The following FAM153A variants were observed in gnomAD, a reference collection of about 807,000 sequenced individuals.
FAM153A encodes family with sequence similarity 153 member A.
In FAM153A, 12 loss-of-function variants were observed where a neutral mutation model predicts 48.1. The observed-to-expected ratio is 0.25, with a 90% CI of 0.16 to 0.40. The LOEUF (loss-of-function observed/expected upper bound fraction) is 0.40. Among genes scored for constraint, FAM153A ranks in the 10% least tolerant of loss-of-function variants. The pLI is 1.00. For synonymous variants in FAM153A, 36 were observed against 118.2 expected, an observed-to-expected ratio of 0.30 and a Z score of 4.51; for missense variants, 111 against 345.8, an observed-to-expected ratio of 0.32 and a Z score of 5.38.
intron 1 of FAM153A, among the ~76,000 whole-genome samples, chr5:177,759,747 A>AG (rs1279843300): frequency 1.3e-5 from 2 of 151,382 alleles, no homozygotes; most frequent in Admixed American, 6.6e-5. Context: ...TCTCACTCAT[A>AG]GGTGGTAATT....
At position 177,768,256 on chromosome 5, in the gene FAM153A, C is replaced by T. The variant is rs373425794; in HGVS notation, c.-57+12193G>A. 4.3e-3 allele frequency among the ~76,000 whole-genome samples: 642 copies of T among 149,324 alleles called. 2 individuals are homozygous for T. Among genetic ancestry groups the T allele is most frequent in the African/African-American group, 0.015 (615 of 39,998 alleles). On this transcript the variant is annotated intron_variant, in intron 1 of 8. Transcript: ENST00000393518. ...TTCCATGCCCTCCCAGGACACACCA[C>T]CCTGTAGGAGCCTCCATGCATTCAG...
In FAM153A at chr5:177,729,639, C is replaced by T. The variant is rs1205765703; in HGVS notation, c.863-84G>A. ...CTTGGAGCTGTGGACACGGGGCTGG[C>T]GTGTGTGGAAAGGTGTGTTCACAGC... On this transcript the variant is annotated intron_variant, in intron 16 of 20. Coordinates refer to ENST00000614127, the Ensembl canonical transcript of FAM153A. 87 of 1,602,908 alleles carry T rather than the reference C, an allele frequency of 5.4e-5. 2 individuals are homozygous for T. The highest frequency in any genetic ancestry group is 3.3e-4 in the African/African-American group (24 of 71,818).
the FAM153A span, among the ~76,000 whole-genome samples, chr5:177,695,739 C>T: frequency 6.6e-6 from 1 of 151,910 alleles, no homozygotes; most frequent in East Asian, 1.9e-4. Flanking sequence ...CCACCATCAT[C>T]ATCATGGCCT....
downstream of FAM153A, chr5:177,708,135 G>A (rs566740950): frequency 2.3e-3 from 351 of 153,268 alleles, 3 homozygotes; most frequent in Middle Eastern, 9.6e-3. Flanking sequence ...TGTAGAATTA[G>A]TGTACCAAAA....
chr5:177,703,199 C>G (rs1441700184), downstream of FAM153A, among the ~76,000 whole-genome samples: 1 of 152,082 alleles, frequency 6.6e-6, no homozygotes, highest in Non-Finnish European at 1.5e-5. Context: ...CAGAGTTGCC[C>G]AAGGCCTTGG....
chr5:177,701,791 T>G, the FAM153A span, among the ~76,000 whole-genome samples: 1 of 151,814 alleles, frequency 6.6e-6, no homozygotes, highest in Non-Finnish European at 1.5e-5. Context: ...AGCTTGGAAC[T>G]TCTTAGAGAC....
chr5:177,753,773 T>C (rs1262945907), upstream of FAM153A, among the ~76,000 whole-genome samples: 1 of 151,478 alleles, frequency 6.6e-6, no homozygotes, highest in Non-Finnish European at 1.5e-5. Context: ...CAACTTTCCA[T>C]CACTGTTGAT....
the FAM153A span, among the ~76,000 whole-genome samples, chr5:177,702,426 AT>A: frequency 6.6e-6 from 1 of 152,030 alleles, no homozygotes; most frequent in Non-Finnish European, 1.5e-5. Flanking sequence ...GTTGGAACTT[AT>A]ATTTAAAGGG....
At chr5:177,762,457 G>T (rs2127712909) in intron 1 of FAM153A, among the ~76,000 whole-genome samples, 1 of 141,818 alleles carries the variant, frequency 7.1e-6, no homozygotes, top group East Asian at 2.2e-4. Flanking sequence ...GGTAGACTGT[G>T]GGGTAAAGCT....
At chr5:177,704,806 C>T (rs1212635290), downstream of FAM153A, among the ~76,000 whole-genome samples, 1 of 151,510 alleles carries the variant, frequency 6.6e-6, no homozygotes, top group African/African-American at 2.4e-5. Context: ...TCGAGACCAG[C>T]CTGGGCAACA....
intron 1 of FAM153A, among the ~76,000 whole-genome samples, chr5:177,771,212 CACG>C (rs1769093062): frequency 1.0e-5 from 1 of 97,040 alleles, no homozygotes; most frequent in South Asian, 3.7e-4. Context: ...AGGGATTTAG[CACG>C]ACATGAAAAC....
upstream of FAM153A, among the ~76,000 whole-genome samples, chr5:177,753,819 G>A (rs1024517097): frequency 1.3e-5 from 2 of 151,676 alleles, no homozygotes; most frequent in Non-Finnish European, 2.9e-5. Flanking sequence ...AATCAAATGG[G>A]TCATTAATGA....
intron 1 of FAM153A, among the ~76,000 whole-genome samples, chr5:177,751,402 T>C (rs1167653450): frequency 2.8e-5 from 4 of 142,618 alleles, no homozygotes; most frequent in African/African-American, 8.1e-5. Context: ...TGGCCTACGT[T>C]ATGTTAAAAG....
intron 10 of FAM153A, among the ~76,000 whole-genome samples, chr5:177,737,601 A>G (rs1582392013): frequency 6.6e-6 from 1 of 150,882 alleles, no homozygotes; most frequent in East Asian, 1.9e-4. Context: ...ACCCACCACC[A>G]CCTCTGCCTC....
the FAM153A span, among the ~76,000 whole-genome samples, chr5:177,698,111 G>A: frequency 6.6e-6 from 1 of 151,610 alleles, no homozygotes; most frequent in Non-Finnish European, 1.5e-5. Flanking sequence ...TTGCAAATAT[G>A]GCTCTTTAGT....
intron 18 of FAM153A, among the ~76,000 whole-genome samples, chr5:177,728,511 C>T (rs1376976674): frequency 3.8e-4 from 56 of 147,198 alleles, no homozygotes; most frequent in African/African-American, 1.3e-3. Flanking sequence ...CCAGGGATGA[C>T]AGTAGCATGG....
At chr5:177,766,397 A>G (rs1314836128) in intron 1 of FAM153A, among the ~76,000 whole-genome samples, 1 of 56,472 alleles carries the variant, frequency 1.8e-5, no homozygotes. Flanking sequence ...TGTCTATAAG[A>G]AAACTGGGAA....
At chr5:177,712,701 T>C (rs1433019785) in exon 27 of FAM153A, 1 of 151,388 alleles carries the variant, frequency 6.6e-6, no homozygotes, top group Non-Finnish European at 1.5e-5. Flanking sequence ...TTTTGAAAAA[T>C]ATGGCTGTGG....
the FAM153A span, among the ~76,000 whole-genome samples, chr5:177,699,942 G>C: frequency 1.3e-5 from 2 of 151,290 alleles, no homozygotes; most frequent in Non-Finnish European, 1.5e-5. Context: ...TATGAATTTA[G>C]ATATAAAAAT....
Sources: allele counts gnomAD v4.1 joint callset (sites outside exome capture counted in the v4.1 genomes callset), GRCh38; gene constraint gnomAD v4.1.1; transcripts MANE v1.5; gene names NCBI Gene and HGNC (gene_info 2026-07-23, HGNC 2026-07-21).